Variants in FRMD4A observed in about 807,000 individuals in gnomAD.
FRMD4A encodes FERM domain-containing protein 4A.
FRMD4A carries 29 observed loss-of-function variants against 129.1 expected under a neutral mutation model. The ratio of observed to expected loss-of-function variants is 0.22; its 90% CI spans 0.17 to 0.31. The LOEUF (loss-of-function observed/expected upper bound fraction) is 0.31, where lower values mean the gene tolerates loss of function less well. Ranked by LOEUF, FRMD4A falls within the 10% of genes least tolerant of loss-of-function variation. The pLI is 1.00. For synonymous variants in FRMD4A, 634 were observed against 571.6 expected (o/e 1.11, Z -1.56); for missense variants, 1,272 against 1,375.8 (o/e 0.92, Z 1.19).
intron 2 of FRMD4A, among the ~76,000 whole-genome samples, chr10:14,080,337 TC>T (rs1835856100): frequency 6.6e-6 from 1 of 152,174 alleles, no homozygotes; most frequent in African/African-American, 2.4e-5. Context: ...ATGTTCTATA[TC>T]CCCGCTTCTT....
intron 2 of FRMD4A, among the ~76,000 whole-genome samples, chr10:13,983,656 A>G (rs1027798478): frequency 2.5e-4 from 38 of 152,144 alleles, no homozygotes; most frequent in African/African-American, 8.7e-4. Context: ...TTCAGAGACC[A>G]GGAGATACCT....
At chr10:13,985,902 G>A (rs1001944371) in intron 2 of FRMD4A, among the ~76,000 whole-genome samples, 4 of 152,206 alleles carry the variant, frequency 2.6e-5, no homozygotes, top group Non-Finnish European at 5.9e-5. Flanking sequence ...CCTGCAGCTG[G>A]GAGGGATGAG....
At chr10:13,996,481 C>T (rs562964004) in intron 2 of FRMD4A, among the ~76,000 whole-genome samples, 26 of 152,308 alleles carry the variant, frequency 1.7e-4, no homozygotes, top group Admixed American at 9.2e-4. Flanking sequence ...TCACAAGAAT[C>T]GGCACAGACT....
At chr10:14,089,816 T>C (rs1031438079) in intron 2 of FRMD4A, among the ~76,000 whole-genome samples, 1 of 152,212 alleles carries the variant, frequency 6.6e-6, no homozygotes, top group African/African-American at 2.4e-5. Context: ...AGTGCCAATG[T>C]CCAGGTAGTT....
intron 3 of FRMD4A, among the ~76,000 whole-genome samples, chr10:13,844,268 C>A (rs1221445638): frequency 6.6e-6 from 1 of 151,926 alleles, no homozygotes; most frequent in African/African-American, 2.4e-5. Flanking sequence ...TATGTTAAAC[C>A]AATGTTTAAT....
chr10:13,804,150 C>T (rs553843105), intron 4 of FRMD4A, among the ~76,000 whole-genome samples: 4 of 152,300 alleles, frequency 2.6e-5, no homozygotes, highest in Non-Finnish European at 5.9e-5. Context: ...CCGAATGCCG[C>T]GTTCCCAGAA....
intron 8 of FRMD4A, among the ~76,000 whole-genome samples, chr10:13,757,311 A>C (rs148484243): frequency 1.7e-4 from 26 of 152,370 alleles, no homozygotes; most frequent in African/African-American, 5.3e-4. Flanking sequence ...AAATGAAATG[A>C]GATTACTACA....
chr10:13,757,486 A>G (rs1321471710), intron 8 of FRMD4A, among the ~76,000 whole-genome samples: 3 of 152,226 alleles, frequency 2.0e-5, no homozygotes, highest in African/African-American at 7.2e-5. Context: ...ATCTATCTAG[A>G]TAACAGTCAT....
intron 14 of FRMD4A, among the ~76,000 whole-genome samples, chr10:13,700,251 T>TC (rs925759318): frequency 6.9e-5 from 10 of 144,602 alleles, no homozygotes; most frequent in African/African-American, 2.3e-4. Flanking sequence ...CCCAGCCCTG[T>TC]CCTCTTTTCT....
intron 2 of FRMD4A, among the ~76,000 whole-genome samples, chr10:14,271,473 G>T (rs912738723): frequency 6.6e-6 from 1 of 152,186 alleles, no homozygotes; most frequent in African/African-American, 2.4e-5. Context: ...TTTGGGATGT[G>T]TGGGAAAACA....
intron 2 of FRMD4A, among the ~76,000 whole-genome samples, chr10:13,956,434 G>C (rs1398945384): frequency 1.3e-5 from 2 of 152,228 alleles, no homozygotes; most frequent in Non-Finnish European, 2.9e-5. Flanking sequence ...TTACAGGCAT[G>C]AGCCACTATG....
intron 2 of FRMD4A, among the ~76,000 whole-genome samples, chr10:14,121,336 C>G (rs1176482366): frequency 6.6e-6 from 1 of 152,156 alleles, no homozygotes; most frequent in Non-Finnish European, 1.5e-5. Context: ...CTACTGCACT[C>G]CAGCCTGGGC....
rs528320959 is a variant in FRMD4A, at chr10:13,887,132, G to A, written c.46-28220C>T. Among the ~76,000 whole-genome samples the A allele has an allele frequency of 6.6e-5, 10 of 152,206 alleles. No individual in the cohort carries two copies. In the South Asian group the frequency reaches 2.1e-3, roughly 32 times the overall value. On this transcript the variant is annotated intron_variant, in intron 2 of 24. Transcript: ENST00000357447. ...TTCCTAACAAGCTAGAGCCTACAAG[G>A]AACTTCTCTGAATTAGAATTAATTA...
At chr10:13,994,502 C>T (rs771933694) in intron 2 of FRMD4A, among the ~76,000 whole-genome samples, 2 of 151,892 alleles carry the variant, frequency 1.3e-5, no homozygotes, top group African/African-American at 4.8e-5. Context: ...TTTGTACTTT[C>T]GTAGAGACAC....
Position 13,679,462 on chromosome 10 carries a change from T to TAA in FRMD4A, c.1118-4419_1118-4418insTT, listed in dbSNP as rs1564591131. ...AAAAAAAAAAAAAAAAAAAAAAAAA[T>TAA]ATATATATATATACACACACACACA... On this transcript the variant is annotated intron_variant, in intron 15 of 24. Coordinates refer to ENST00000357447, the MANE Select transcript of FRMD4A (RefSeq NM_018027.5). 1.2e-3 allele frequency among the ~76,000 whole-genome samples: 28 copies of TAA among 24,250 alleles called. 1 individual carries two copies. The highest frequency in any genetic ancestry group is 3.8e-3 in the African/African-American group (24 of 6,398). The allele number at this position is 24,250 out of a possible 152,430, so 15.9% of individuals were successfully genotyped here.
intron 8 of FRMD4A, among the ~76,000 whole-genome samples, chr10:13,753,597 C>A (rs111780454): frequency 7.2e-6 from 1 of 137,932 alleles, no homozygotes; most frequent in African/African-American, 2.8e-5. Context: ...CAGGCTAGAG[C>A]GCAGTTTTGA....
At chr10:14,106,465 G>C (rs907205241) in intron 2 of FRMD4A, among the ~76,000 whole-genome samples, 1 of 152,140 alleles carries the variant, frequency 6.6e-6, no homozygotes, top group African/African-American at 2.4e-5. Context: ...GACTTTGCAG[G>C]ATACAAAATT....
intron 2 of FRMD4A, among the ~76,000 whole-genome samples, chr10:14,252,788 C>T (rs1008885017): frequency 2.6e-4 from 39 of 152,152 alleles, no homozygotes; most frequent in African/African-American, 8.7e-4. Context: ...TTATTTTATT[C>T]CTCAAACTTT....
intron 2 of FRMD4A, among the ~76,000 whole-genome samples, chr10:13,861,241 G>C (rs1456859043): frequency 6.6e-6 from 1 of 152,114 alleles, no homozygotes; most frequent in Non-Finnish European, 1.5e-5. Context: ...CAATGTATTT[G>C]CAGGTACGGC....
Sources: allele counts gnomAD v4.1 joint callset (sites outside exome capture counted in the v4.1 genomes callset), GRCh38; gene constraint gnomAD v4.1.1; transcripts MANE v1.5; gene names NCBI Gene and HGNC (gene_info 2026-07-23, HGNC 2026-07-21).